NELL2: variants seen among roughly 807,000 people sequenced by gnomAD.
NELL2 encodes the protein protein kinase C-binding protein NELL2.
Under a neutral mutation model 109.6 loss-of-function variants are expected in NELL2, and 41 were observed. The ratio of observed to expected loss-of-function variants is 0.37; its 90% CI spans 0.29 to 0.49. The LOEUF (loss-of-function observed/expected upper bound fraction) is 0.49, where lower values mean the gene tolerates loss of function less well. Ranked by LOEUF, NELL2 falls within the 20% of genes least tolerant of loss-of-function variation. The pLI, the probability that NELL2 is intolerant of heterozygous loss-of-function variation, is 0.98. For missense variants in NELL2, 900 were observed against 1,008.3 expected, an observed-to-expected ratio of 0.89 and a Z score of 1.45; for synonymous variants, 355 against 344.7, an observed-to-expected ratio of 1.03 and a Z score of -0.33.
chr12:44,859,633 G>A (rs1944781070), intron 2 of NELL2, among the ~76,000 whole-genome samples: 1 of 152,176 alleles, frequency 6.6e-6, no homozygotes, highest in African/African-American at 2.4e-5. Context: ...GGTAGGTATT[G>A]AATTATAGAC....
chr12:44,755,201 C>A (rs1449106355), intron 9 of NELL2, among the ~76,000 whole-genome samples: 2 of 152,090 alleles, frequency 1.3e-5, no homozygotes, highest in African/African-American at 4.8e-5. Context: ...ATGGACTTCC[C>A]AAAGGGTAGC....
intron 15 of NELL2, among the ~76,000 whole-genome samples, chr12:44,560,324 G>A (rs1294168219): frequency 1.1e-4 from 17 of 152,048 alleles, no homozygotes; most frequent in Admixed American, 1.1e-3. Context: ...AAATAATTAA[G>A]ATCAGAGCAG....
At chr12:44,660,906 A>T (rs1268571303) in intron 13 of NELL2, among the ~76,000 whole-genome samples, 2 of 152,148 alleles carry the variant, frequency 1.3e-5, no homozygotes, top group African/African-American at 4.8e-5. Context: ...CAGGAATGTT[A>T]GGTGATGGTT....
At chr12:44,538,314 C>G (rs1942382778) in intron 15 of NELL2, among the ~76,000 whole-genome samples, 1 of 152,154 alleles carries the variant, frequency 6.6e-6, no homozygotes, top group Non-Finnish European at 1.5e-5. Context: ...ATAATACTTT[C>G]CCTCTTCATA....
intron 16 of NELL2, 100 bp from the exon 17 acceptor site, chr12:44,523,584 G>A: frequency 2.1e-6 from 2 of 953,512 alleles, no homozygotes; most frequent in Admixed American, 2.4e-5. Flanking sequence ...GTATTCAACT[G>A]TAAATTAATT....
At chr12:44,642,964 G>A (rs1175091243) in intron 13 of NELL2, among the ~76,000 whole-genome samples, 1 of 152,096 alleles carries the variant, frequency 6.6e-6, no homozygotes, top group South Asian at 2.1e-4. Flanking sequence ...TTAAAAGCAC[G>A]AAGATACATA....
chr12:44,716,828 T>TA (rs1006768126), intron 9 of NELL2, among the ~76,000 whole-genome samples: 1 of 151,636 alleles, frequency 6.6e-6, no homozygotes, highest in South Asian at 2.1e-4. Context: ...GGAAACATTG[T>TA]AAAAAAAACA....
chr12:44,837,405 G>T (rs1462864640), intron 2 of NELL2, among the ~76,000 whole-genome samples: 1 of 152,094 alleles, frequency 6.6e-6, no homozygotes, highest in East Asian at 1.9e-4. Flanking sequence ...AACATTCCCT[G>T]GGGGACAAAA....
intron 2 of NELL2, among the ~76,000 whole-genome samples, chr12:44,870,062 T>C (rs919483038): frequency 3.3e-5 from 5 of 152,106 alleles, no homozygotes; most frequent in Non-Finnish European, 5.9e-5. Flanking sequence ...TTCAGCTAAG[T>C]TTTCTGCCAC....
intron 10 of NELL2, among the ~76,000 whole-genome samples, chr12:44,712,121 T>C (rs540911966): frequency 5.9e-5 from 9 of 152,076 alleles, no homozygotes; most frequent in Non-Finnish European, 1.3e-4. Context: ...CAGTCTCCAA[T>C]GTCCTAAAAA....
intron 19 of NELL2, among the ~76,000 whole-genome samples, chr12:44,517,454 C>T (rs1214089434): frequency 5.4e-5 from 8 of 148,674 alleles, no homozygotes; most frequent in African/African-American, 9.9e-5. Context: ...ATGCCTTCCC[C>T]GAAGCAGACC....
chr12:44,792,456 A>G (rs1416899837), intron 3 of NELL2, among the ~76,000 whole-genome samples: 2 of 152,170 alleles, frequency 1.3e-5, no homozygotes, highest in Admixed American at 1.3e-4. Context: ...AAGAAACTGG[A>G]ATAAAAAAGA....
chr12:44,669,533 A>T (rs1336717675), intron 12 of NELL2, among the ~76,000 whole-genome samples: 1 of 152,134 alleles, frequency 6.6e-6, no homozygotes, highest in African/African-American at 2.4e-5. Context: ...AAGAAATTCA[A>T]CAGAGATAGA....
chr12:44,898,927 C>T (rs1050378470), intron 1 of NELL2, among the ~76,000 whole-genome samples: 2 of 151,962 alleles, frequency 1.3e-5, no homozygotes, highest in African/African-American at 4.8e-5. Flanking sequence ...CCTAATGGAG[C>T]TGAAAAACAC....
intron 3 of NELL2, among the ~76,000 whole-genome samples, 164 bp from the exon 4 acceptor site, chr12:44,780,186 G>A (rs4475982): frequency 3.3e-5 from 5 of 152,108 alleles, no homozygotes; most frequent in African/African-American, 1.2e-4. Flanking sequence ...AGAAGATAGA[G>A]AAAAAAAGAT....
At chr12:44,645,348 AT>A (rs1947056317) in intron 13 of NELL2, among the ~76,000 whole-genome samples, 1 of 152,210 alleles carries the variant, frequency 6.6e-6, no homozygotes, top group Admixed American at 6.5e-5. Flanking sequence ...TAACAAACCA[AT>A]ATAGTAGTGA....
In NELL2 at chr12:44,856,866, G is replaced by A. The variant is rs189367773; in HGVS notation, c.184+18359C>T. Among the ~76,000 whole-genome samples the A allele has an allele frequency of 2.9e-3, 439 of 152,238 alleles. 3 individuals are homozygous for A. The highest frequency in any genetic ancestry group is 1.0e-2 in the African/African-American group (414 of 41,536). ...TATTACATTTTAAAAGGATCACTCTGGCAACTATGTGAAGGACAGACTGCA... is the reference window on the plus strand; with the variant it reads ...TATTACATTTTAAAAGGATCACTCTAGCAACTATGTGAAGGACAGACTGCA... On this transcript the variant is annotated intron_variant, in intron 2 of 19. Coordinates refer to ENST00000429094, the MANE Select transcript of NELL2 (RefSeq NM_001145108.2).
chr12:44,917,708 G>A (rs1181364497), upstream of NELL2, among the ~76,000 whole-genome samples: 1 of 152,166 alleles, frequency 6.6e-6, no homozygotes, highest in African/African-American at 2.4e-5. Context: ...CTTGTCCTGG[G>A]TGGGCCCTTA....
intron 5 of NELL2, among the ~76,000 whole-genome samples, chr12:44,778,418 C>T (rs1020881990): frequency 1.3e-5 from 2 of 152,110 alleles, no homozygotes; most frequent in South Asian, 2.1e-4. Context: ...AACATAAAAA[C>T]AAGGCTATCG....
Sources: allele counts gnomAD v4.1 joint callset (sites outside exome capture counted in the v4.1 genomes callset), GRCh38; gene constraint gnomAD v4.1.1; transcripts MANE v1.5; gene names NCBI Gene and HGNC (gene_info 2026-07-23, HGNC 2026-07-21).